TP53I11: variants seen among roughly 807,000 people sequenced by gnomAD.
TP53I11 encodes the protein tumor protein p53 inducible protein 11.
TP53I11 carries 9 observed loss-of-function variants against 23.3 expected under a neutral mutation model. The ratio of observed to expected loss-of-function variants is 0.39; its 90% CI spans 0.23 to 0.67. The LOEUF (loss-of-function observed/expected upper bound fraction) is 0.67. Among genes scored for constraint, TP53I11 ranks in the 30% least tolerant of loss-of-function variants. The pLI, the probability that TP53I11 is intolerant of heterozygous loss-of-function variation, is 0.48. For missense variants in TP53I11, 170 were observed against 255.2 expected, an observed-to-expected ratio of 0.67 and a Z score of 2.27; for synonymous variants, 100 against 106.1, an observed-to-expected ratio of 0.94 and a Z score of 0.35.
chr11:44,937,711 C>T, intron 2 of TP53I11, 98 bp from the exon 3 acceptor site: 1 of 1,322,984 alleles, frequency 7.6e-7, no homozygotes, highest in South Asian at 1.3e-5. Flanking sequence ...AGGGACCAGC[C>T]TGGGCACCTC....
At chr11:44,949,220 C>G (rs1425148502) in intron 1 of TP53I11, among the ~76,000 whole-genome samples, 1 of 152,176 alleles carries the variant, frequency 6.6e-6, no homozygotes, top group Non-Finnish European at 1.5e-5. Context: ...GGCTAAGGAG[C>G]GGACAGTGCC....
Position 44,935,573 on chromosome 11 carries a change from C to A in TP53I11, c.424G>T (p.Val142Phe). Reference protein sequence around the residue: ...TLLTEACYFGVQFLVVTATLA... With the variant: ...TLLTEACYFGFQFLVVTATLA... ...CCTCAGGACTCACCCAAGAACTGGA[C>A]CCCGAAATAGCAAGCTTCGGTGAGC... Residue 142 changes from valine (V) to phenylalanine (F), a missense_variant, in exon 6 of 7, where the codon GTC (valine) becomes TTC (phenylalanine). Val to Phe is a conservative substitution (Grantham distance 50). Coordinates refer to ENST00000525680, the MANE Select transcript of TP53I11 (RefSeq NM_006034.5). The A allele has an allele frequency of 6.2e-7, 1 of 1,614,072 alleles. No homozygotes were observed. Among genetic ancestry groups the A allele is most frequent in the Non-Finnish European group, 8.5e-7 (1 of 1,179,964 alleles).
chr11:44,937,402 C>A, intron 3 of TP53I11, 50 bp from the exon 4 acceptor site: 3 of 1,478,696 alleles, frequency 2.0e-6, no homozygotes, highest in Non-Finnish European at 2.7e-6. Flanking sequence ...GGACCCTCCC[C>A]TCTCCAGCCC....
At chr11:44,935,470 C>T in intron 6 of TP53I11, 91 bp downstream of exon 6, 1 of 1,223,278 alleles carries the variant, frequency 8.2e-7, no homozygotes, top group Non-Finnish European at 1.2e-6. Context: ...GACAGGTTTT[C>T]ATCACTTCCC....
rs1861108839 is a variant in TP53I11 at position 44,936,370 on chromosome 11, T to G, written c.334+433A>C. ...AATTGTAATTCCAAATCCTAACGTG[T>G]GCATCTCAGGTTAGAGAGGAAACAG... is the stretch of plus-strand genomic sequence containing the variant. On this transcript the variant is annotated intron_variant, in intron 5 of 6. Transcript: ENST00000525680. The surrounding 1 kb of genome is among the most constrained non-coding windows in gnomAD (Gnocchi z 4.4). The G allele has an allele frequency of 1.6e-6, 2 of 1,229,336 alleles. No individual in the cohort carries two copies. The highest frequency in any genetic ancestry group is 3.2e-5 in the East Asian group (1 of 31,492). The allele number at this position is 1,229,336 out of a possible 1,614,324, so 76.2% of individuals were successfully genotyped here.
intron 1 of TP53I11, among the ~76,000 whole-genome samples, chr11:44,948,480 T>C (rs1168005072): frequency 6.6e-6 from 1 of 152,108 alleles, no homozygotes; most frequent in African/African-American, 2.4e-5. Flanking sequence ...CTATTTAAAA[T>C]GACAACCCGG....
In TP53I11 at chr11:44,943,836, G is replaced by A. The variant is rs576048863; in HGVS notation, c.-31-5470C>T. On this transcript the variant is annotated intron_variant, in intron 1 of 6. Transcript: ENST00000525680. ...CCTCCGTGTATCTCCCCGTGAGGCT[G>A]GGGTGCACAGCAGGCACTTTGTCAA... 1.1e-4 allele frequency among the ~76,000 whole-genome samples: 16 copies of A among 152,302 alleles called. No individual in the cohort carries two copies. The East Asian group carries it at 2.3e-3, about 22-fold the overall frequency.
chr11:44,947,927 TA>T (rs1862550453), intron 1 of TP53I11, among the ~76,000 whole-genome samples: 1 of 152,250 alleles, frequency 6.6e-6, no homozygotes, highest in African/African-American at 2.4e-5. Flanking sequence ...TAGAAGACTC[TA>T]CTTCCTTGCC....
intron 1 of TP53I11, among the ~76,000 whole-genome samples, chr11:44,944,744 C>T (rs1590789664): frequency 6.6e-6 from 1 of 152,168 alleles, no homozygotes; most frequent in Non-Finnish European, 1.5e-5. Context: ...GTACAAAGCC[C>T]ACAGGTTTGT....
chr11:44,938,274 C>G lies in TP53I11; in HGVS notation c.62G>C (p.Arg21Pro). Residue 21 changes from arginine (R) to proline (P), a missense_variant, in exon 2 of 7, where the codon CGC becomes CCC. Arg to Pro is a moderately radical substitution (Grantham distance 103). Transcript: ENST00000525680. ...KKHSQTDLVS[R>P]LKTRKILGVG... ...GCCGAGGATCTTGCGGGTCTTCAGGCGGCTCACGAGGTCCGTCTGGCTGTG... is the reference window on the plus strand; with the variant it reads ...GCCGAGGATCTTGCGGGTCTTCAGGGGGCTCACGAGGTCCGTCTGGCTGTG... 6.2e-7 allele frequency: 1 copy of G among 1,612,752 alleles called. No individual in the cohort carries two copies. Among genetic ancestry groups the G allele is most frequent in the Non-Finnish European group, 8.5e-7 (1 of 1,179,530 alleles).
chr11:44,934,645 G>A lies in TP53I11; in HGVS notation c.*239C>T, dbSNP rs1860878199. On this transcript the variant is annotated 3_prime_UTR_variant, in exon 7 of 7. Transcript: ENST00000525680. ...GGAAAGGAGGTATCACTGTGAGGGT[G>A]AAGAACAGGGCAGCAGAGGCCCTGT... 1 of 545,684 alleles carries A rather than the reference G, an allele frequency of 1.8e-6. No individual in the cohort carries two copies. Among genetic ancestry groups the A allele is most frequent in the Non-Finnish European group, 3.2e-6 (1 of 307,772 alleles). The allele number at this position is 545,684 out of a possible 1,614,324, so 33.8% of individuals were successfully genotyped here.
chr11:44,945,602 C>A (rs989809508), intron 1 of TP53I11, among the ~76,000 whole-genome samples: 2 of 152,182 alleles, frequency 1.3e-5, no homozygotes, highest in Non-Finnish European at 2.9e-5. Context: ...TCTCTGGGGT[C>A]CAGCCTCCCT....
At chr11:44,940,290 G>T (rs1164456990) in intron 1 of TP53I11, among the ~76,000 whole-genome samples, 1 of 152,146 alleles carries the variant, frequency 6.6e-6, no homozygotes, top group Non-Finnish European at 1.5e-5. Flanking sequence ...CAAAATTGAC[G>T]GGCTTCAGTT....
In TP53I11 at chr11:44,947,049, A is replaced by C. The variant is rs1167333615; in HGVS notation, c.-32+3628T>G. The C allele has an allele frequency of 8.8e-6, 4 of 456,372 alleles. No homozygotes were observed. In the Admixed American group the frequency reaches 9.4e-5, roughly 11 times the overall value. 28.3% of individuals were successfully genotyped at this position (456,372 alleles called of 1,614,324 possible). A position where few individuals can be genotyped will look rare whatever the true frequency, so the allele number is the denominator to read the frequency against. On this transcript the variant is annotated intron_variant, in intron 1 of 6. Coordinates refer to ENST00000525680, the MANE Select transcript of TP53I11 (RefSeq NM_006034.5). ...ATGAACATTCCTTACTGTGCTGAAG[A>C]GGGCGAGAGGTCAGGGCAGAGCAGG...
In TP53I11 at chr11:44,935,427, C is replaced by T. The variant is rs76532463; in HGVS notation, c.436+134G>A. 0.01 allele frequency: 8,017 copies of T among 778,740 alleles called. 455 individuals are homozygous for T. The African/African-American group carries it at 0.12, about 12-fold the overall frequency. 48.2% of individuals were successfully genotyped at this position (778,740 alleles called of 1,614,324 possible). A position where few individuals can be genotyped will look rare whatever the true frequency, so the allele number is the denominator to read the frequency against. On this transcript the variant is annotated intron_variant, in intron 6 of 6. Transcript: ENST00000525680. ...ACAAGTAAACACAGCCAGGTGAGTC[C>T]TTATCCCTCTATCCCCTCCCTAGCC...
chr11:44,942,236 A>C (rs879518200), intron 1 of TP53I11, among the ~76,000 whole-genome samples: 7,852 of 125,950 alleles, frequency 0.062, 243 homozygotes, highest in Middle Eastern at 0.14. Flanking sequence ...CACCTACCAC[A>C]CACCACACAC....
chr11:44,937,264 A>G (rs1028152352), intron 4 of TP53I11, 40 bp downstream of exon 4: 5 of 1,538,200 alleles, frequency 3.3e-6, no homozygotes, highest in Non-Finnish European at 4.4e-6. Flanking sequence ...TGAGGGAGCC[A>G]CACGGGGCCA....
At chr11:44,938,452 C>T (rs1402799746) in intron 1 of TP53I11, 86 bp from the exon 2 acceptor site, 3 of 1,404,132 alleles carry the variant, frequency 2.1e-6, no homozygotes, top group East Asian at 5.4e-5. Context: ...GAAGGCCACA[C>T]CCCACACCAG....
chr11:44,939,681 T>C (rs1861558937), intron 1 of TP53I11, among the ~76,000 whole-genome samples: 1 of 152,248 alleles, frequency 6.6e-6, no homozygotes, highest in African/African-American at 2.4e-5. Flanking sequence ...CTGTGAATAA[T>C]GTGGCTGTAG....
Sources: allele counts gnomAD v4.1 joint callset (sites outside exome capture counted in the v4.1 genomes callset), GRCh38; gene constraint gnomAD v4.1.1; non-coding constraint Gnocchi (gnomAD v3.1); transcripts MANE v1.5; gene names NCBI Gene and HGNC (gene_info 2026-07-23, HGNC 2026-07-21).